The following BCAS3 variants were observed in gnomAD, a reference collection of about 807,000 sequenced individuals.
BCAS3 encodes the protein BCAS3 microtubule associated cell migration factor.
In BCAS3, 53 loss-of-function variants were observed where a neutral mutation model predicts 116.1. The ratio of observed to expected loss-of-function variants is 0.46; its 90% CI spans 0.37 to 0.57. The LOEUF (loss-of-function observed/expected upper bound fraction) is 0.57, where lower values mean the gene tolerates loss of function less well. Ranked by LOEUF, BCAS3 falls within the 20% of genes least tolerant of loss-of-function variation. The pLI is 0.00. For synonymous variants in BCAS3, 391 were observed against 408.2 expected (o/e 0.96, Z 0.51); for missense variants, 917 against 1,165.4 (o/e 0.79, Z 3.10).
chr17:61,273,779 G>T (rs2050518850), intron 22 of BCAS3, among the ~76,000 whole-genome samples: 2 of 147,918 alleles, frequency 1.4e-5, no homozygotes, highest in African/African-American at 2.5e-5. Context: ...CTACAGTTTA[G>T]TTTCTATTGC....
chr17:61,035,753 A>G (rs1177191392), intron 17 of BCAS3, among the ~76,000 whole-genome samples: 2 of 152,116 alleles, frequency 1.3e-5, no homozygotes, highest in Admixed American at 6.5e-5. Context: ...ACGGAGCCCT[A>G]TATGGTACAA....
chr17:60,804,118 A>AT (rs1403054946), intron 6 of BCAS3, among the ~76,000 whole-genome samples: 1 of 149,874 alleles, frequency 6.7e-6, no homozygotes, highest in Non-Finnish European at 1.5e-5. Context: ...TATGATTTTT[A>AT]TATGTCCTCG....
At chr17:61,231,473 A>G (rs1772025779) in intron 22 of BCAS3, among the ~76,000 whole-genome samples, 1 of 152,176 alleles carries the variant, frequency 6.6e-6, no homozygotes, top group Admixed American at 6.5e-5. Flanking sequence ...ATTTGTTCAA[A>G]GTCATACCAT....
intron 19 of BCAS3, among the ~76,000 whole-genome samples, chr17:61,064,619 C>T (rs1428358381): frequency 6.6e-6 from 1 of 151,950 alleles, no homozygotes; most frequent in East Asian, 1.9e-4. Context: ...AAAGATGCAC[C>T]CAGAGTTGTC....
At chr17:61,322,816 G>C (rs796929881) in intron 22 of BCAS3, among the ~76,000 whole-genome samples, 200 of 129,818 alleles carry the variant, frequency 1.5e-3, no homozygotes, top group East Asian at 7.8e-3. Flanking sequence ...GAGAGAGAGA[G>C]AGAGAGAGAG....
At chr17:61,268,425 A>G (rs2049945096) in intron 22 of BCAS3, among the ~76,000 whole-genome samples, 1 of 152,192 alleles carries the variant, frequency 6.6e-6, no homozygotes, top group Non-Finnish European at 1.5e-5. Context: ...TGTCATATAA[A>G]AGAAAATATA....
chr17:60,682,815 C>T (rs944302652), intron 2 of BCAS3, among the ~76,000 whole-genome samples: 2 of 152,300 alleles, frequency 1.3e-5, no homozygotes, highest in South Asian at 4.1e-4. Context: ...AGCTACCACG[C>T]CTGGCCTAAA....
chr17:60,767,318 G>C (rs2144391951), intron 6 of BCAS3, among the ~76,000 whole-genome samples: 1 of 149,584 alleles, frequency 6.7e-6, no homozygotes, highest in East Asian at 2.0e-4. Context: ...TTCCTATTTG[G>C]CCATCTTGGA....
intron 6 of BCAS3, among the ~76,000 whole-genome samples, chr17:60,802,567 A>G (rs1239536098): frequency 6.6e-6 from 1 of 152,188 alleles, no homozygotes; most frequent in South Asian, 2.1e-4. Flanking sequence ...CCAGATGACT[A>G]TTAATCCTTG....
chr17:60,832,602 T>G (rs1306950521), intron 7 of BCAS3, among the ~76,000 whole-genome samples: 1 of 152,208 alleles, frequency 6.6e-6, no homozygotes, highest in Non-Finnish European at 1.5e-5. Flanking sequence ...TTTTTGTTTT[T>G]TAAAGTTTCT....
At chr17:61,293,076 A>G (rs1248986542) in intron 22 of BCAS3, among the ~76,000 whole-genome samples, 2 of 152,168 alleles carry the variant, frequency 1.3e-5, no homozygotes, top group African/African-American at 4.8e-5. Flanking sequence ...AAATGCCAAT[A>G]ACTGCTGAAA....
intron 22 of BCAS3, among the ~76,000 whole-genome samples, chr17:61,360,432 A>G (rs2058393342): frequency 6.6e-6 from 1 of 152,204 alleles, no homozygotes; most frequent in Non-Finnish European, 1.5e-5. Flanking sequence ...AGGAATTACC[A>G]TAAACCTGGT....
chr17:61,185,153 G>C (rs551454872), intron 22 of BCAS3, among the ~76,000 whole-genome samples: 13 of 152,102 alleles, frequency 8.5e-5, no homozygotes, highest in African/African-American at 2.2e-4. Flanking sequence ...ACCAAAACCT[G>C]TAAGGCTTTG....
At chr17:60,743,518 A>G (rs1327923287) in intron 5 of BCAS3, among the ~76,000 whole-genome samples, 1 of 152,166 alleles carries the variant, frequency 6.6e-6, no homozygotes, top group African/African-American at 2.4e-5. Flanking sequence ...GCTAAAAAAA[A>G]AAAAAATCAT....
chr17:61,287,746 A>C (rs189628073), intron 22 of BCAS3, among the ~76,000 whole-genome samples: 2 of 152,152 alleles, frequency 1.3e-5, no homozygotes, highest in Non-Finnish European at 2.9e-5. Flanking sequence ...AAACAAAACA[A>C]AAAAAACACC....
chr17:61,022,140 A>G (rs939823639), intron 16 of BCAS3, among the ~76,000 whole-genome samples: 4 of 152,066 alleles, frequency 2.6e-5, no homozygotes, highest in African/African-American at 4.8e-5. Flanking sequence ...TTGAGTTCCA[A>G]TTTTTCTGCT....
At chr17:61,035,455 C>T (rs376029280) in intron 17 of BCAS3, among the ~76,000 whole-genome samples, 10 of 151,652 alleles carry the variant, frequency 6.6e-5, no homozygotes, top group South Asian at 2.1e-4. Flanking sequence ...TGGTGGTGCA[C>T]GCTTGTAATC....
chr17:60,695,483 G>A (rs2035474817), intron 4 of BCAS3, among the ~76,000 whole-genome samples: 1 of 152,134 alleles, frequency 6.6e-6, no homozygotes, highest in Admixed American at 6.6e-5. Flanking sequence ...TTGGCTTTGG[G>A]AACAATGCTG....
intron 15 of BCAS3, among the ~76,000 whole-genome samples, chr17:61,002,979 A>G (rs543819335): frequency 6.6e-6 from 1 of 152,158 alleles, no homozygotes; most frequent in Non-Finnish European, 1.5e-5. Flanking sequence ...AAAGTCAAAA[A>G]TATAATTTTA....
Sources: gnomAD v4.1 joint callset for allele counts (sites outside exome capture counted in the v4.1 genomes callset) on GRCh38, gnomAD v4.1.1 for gene constraint, MANE v1.5 for transcripts, NCBI Gene and HGNC (gene_info 2026-07-23, HGNC 2026-07-21) for gene names.